The following WWOX variants were observed in gnomAD, a reference collection of about 807,000 sequenced individuals.
WWOX encodes WW domain-containing oxidoreductase.
A neutral mutation model predicts 46.2 loss-of-function variants in WWOX; 69 were observed. That is an observed-to-expected ratio of 1.49 (90% CI 1.23 to 1.82). The LOEUF is 1.82. Ranked by LOEUF, WWOX falls within the 40% of genes most tolerant of loss-of-function variation. The pLI is 0.00. For synonymous variants in WWOX, 359 were observed against 202.6 expected (o/e 1.77, Z -6.56); for missense variants, 919 against 542.6 (o/e 1.69, Z -6.89).
In WWOX at chr16:78,750,004, T is replaced by C. The variant is rs566392054; in HGVS notation, c.1056+317252T>C. On this transcript the variant is annotated intron_variant, in intron 8 of 8. Transcript: ENST00000566780. ...ACTCTCAGCTCCCCCCAACAATCCC[T>C]TCTTGTCGTTCAGTAGTAGATAGAC... Among the ~76,000 whole-genome samples the C allele has an allele frequency of 1.2e-3, 190 of 152,282 alleles. 1 individual carries two copies. The highest frequency in any genetic ancestry group is 4.4e-3 in the African/African-American group (181 of 41,560).
intron 8 of WWOX, among the ~76,000 whole-genome samples, chr16:79,025,469 C>T (rs1343068896): frequency 1.3e-5 from 2 of 152,086 alleles, no homozygotes; most frequent in Non-Finnish European, 2.9e-5. Context: ...GAAGAAGGCA[C>T]AGAAGAGAAG....
intron 5 of WWOX, among the ~76,000 whole-genome samples, chr16:78,358,407 C>T (rs747956099): frequency 1.4e-4 from 21 of 152,224 alleles, no homozygotes; most frequent in African/African-American, 1.9e-4. Flanking sequence ...CCTGTAATCC[C>T]GGCACTTTGG....
chr16:79,052,926 C>G (rs5021354), intron 8 of WWOX, among the ~76,000 whole-genome samples: 2 of 145,532 alleles, frequency 1.4e-5, no homozygotes, highest in East Asian at 2.1e-4. Context: ...CAGTTGATCT[C>G]ACTGATTCAT....
At chr16:78,425,240 A>G (rs904723042) in intron 7 of WWOX, among the ~76,000 whole-genome samples, 185 bp downstream of exon 7, 1 of 152,098 alleles carries the variant, frequency 6.6e-6, no homozygotes, top group African/African-American at 2.4e-5. Flanking sequence ...GACTGTTTAG[A>G]AGGACTTTCT....
intron 8 of WWOX, among the ~76,000 whole-genome samples, chr16:78,784,573 A>G (rs1242285587): frequency 1.3e-5 from 2 of 152,232 alleles, no homozygotes; most frequent in Admixed American, 6.5e-5. Context: ...GGAATTGATA[A>G]TAGGAATTGT....
At chr16:78,147,094 G>T (rs1295878697) in intron 4 of WWOX, among the ~76,000 whole-genome samples, 1 of 151,748 alleles carries the variant, frequency 6.6e-6, no homozygotes, top group Non-Finnish European at 1.5e-5. Flanking sequence ...ACTTTAAAAA[G>T]TAATTATCTT....
intron 8 of WWOX, among the ~76,000 whole-genome samples, chr16:78,802,837 AC>A (rs1194027508): frequency 6.9e-6 from 1 of 145,368 alleles, no homozygotes; most frequent in Non-Finnish European, 1.5e-5. Context: ...AATTGCTTGA[AC>A]CCAGGAGGGA....
intron 8 of WWOX, among the ~76,000 whole-genome samples, chr16:78,464,477 C>A (rs79801893): frequency 0.018 from 2,731 of 152,216 alleles, 96 homozygotes; most frequent in African/African-American, 0.063. Context: ...GAATACAAAT[C>A]GTATCACAAA....
chr16:78,721,768 A>G (rs140038445), intron 8 of WWOX, among the ~76,000 whole-genome samples: 1 of 152,210 alleles, frequency 6.6e-6, no homozygotes, highest in Non-Finnish European at 1.5e-5. Context: ...ACACAGGGCC[A>G]GGTACATAGC....
chr16:78,837,383 G>A (rs2052018397), intron 8 of WWOX, among the ~76,000 whole-genome samples: 1 of 152,134 alleles, frequency 6.6e-6, no homozygotes, highest in Non-Finnish European at 1.5e-5. Flanking sequence ...TGTGTTTTGT[G>A]TCATTCTGTG....
At chr16:78,523,782 C>T (rs567752742) in intron 8 of WWOX, among the ~76,000 whole-genome samples, 5 of 152,306 alleles carry the variant, frequency 3.3e-5, no homozygotes, top group South Asian at 2.1e-4. Context: ...GAGCATGACC[C>T]TGGGGGCCTC....
intron 5 of WWOX, chr16:78,237,222 C>T (rs868399783): frequency 6.6e-6 from 1 of 152,044 alleles, no homozygotes; most frequent in Admixed American, 6.6e-5. Context: ...AATGATGGCA[C>T]TGAAAATGTG....
At chr16:78,915,639 C>G (rs772200848) in intron 8 of WWOX, among the ~76,000 whole-genome samples, 7 of 152,160 alleles carry the variant, frequency 4.6e-5, no homozygotes, top group Non-Finnish European at 1.0e-4. Context: ...GTCATTGACT[C>G]AGAAGATAGT....
chr16:78,636,960 G>A (rs568458724), intron 8 of WWOX, among the ~76,000 whole-genome samples: 12 of 152,258 alleles, frequency 7.9e-5, no homozygotes, highest in African/African-American at 1.2e-4. Context: ...GTTTGGACGC[G>A]TTCCCCTTGT....
At chr16:78,773,928 A>T (rs1343067266) in intron 8 of WWOX, among the ~76,000 whole-genome samples, 1 of 152,204 alleles carries the variant, frequency 6.6e-6, no homozygotes, top group African/African-American at 2.4e-5. Context: ...CAGTTTTCCC[A>T]GGCCCTTCAT....
At chr16:78,689,948 C>T (rs1194461442) in intron 8 of WWOX, among the ~76,000 whole-genome samples, 2 of 152,128 alleles carry the variant, frequency 1.3e-5, no homozygotes, top group African/African-American at 4.8e-5. Flanking sequence ...GCAACCTCTG[C>T]CTCGCAGGCT....
At chr16:79,148,114 T>G (rs2050213189) in intron 8 of WWOX, among the ~76,000 whole-genome samples, 1 of 152,226 alleles carries the variant, frequency 6.6e-6, no homozygotes, top group African/African-American at 2.4e-5. Context: ...TTTCATCAAC[T>G]GAGCTTTTGT....
At chr16:78,485,993 A>C (rs1232353978) in intron 8 of WWOX, among the ~76,000 whole-genome samples, 1 of 152,216 alleles carries the variant, frequency 6.6e-6, no homozygotes, top group Non-Finnish European at 1.5e-5. Flanking sequence ...GAGTCCATGT[A>C]GTTGCTGAAA....
Position 78,913,849 on chromosome 16 carries a change from C to T in WWOX, c.1057-297759C>T, listed in dbSNP as rs183721222. Among the ~76,000 whole-genome samples the T allele has an allele frequency of 1.4e-3, 212 of 151,886 alleles. 1 individual carries two copies. The highest frequency in any genetic ancestry group is 3.3e-3 in the African/African-American group (135 of 41,494). Reference sequence around the variant, plus strand: ...CTAACTTTTGTATTTTTTGTAGATACGGGGTCTTGCTATGTTGTCCAGGCT... The same window carrying T: ...CTAACTTTTGTATTTTTTGTAGATATGGGGTCTTGCTATGTTGTCCAGGCT... On this transcript the variant is annotated intron_variant, in intron 8 of 8. Transcript: ENST00000566780.
Sources: gnomAD v4.1 joint callset for allele counts (sites outside exome capture counted in the v4.1 genomes callset) on GRCh38, gnomAD v4.1.1 for gene constraint, MANE v1.5 for transcripts, NCBI Gene and HGNC (gene_info 2026-07-23, HGNC 2026-07-21) for gene names.